The following SOCS5 variants were observed in gnomAD, a reference collection of about 807,000 sequenced individuals.
SOCS5 encodes CIS-6.
Under a neutral mutation model 42.8 loss-of-function variants are expected in SOCS5, and 32 were observed. The ratio of observed to expected loss-of-function variants is 0.75; its 90% CI spans 0.56 to 1.01. The LOEUF is 1.01. SOCS5 is among the 50% of genes least tolerant of loss of function. SOCS5 has a pLI of 0.00. For synonymous variants in SOCS5, 283 were observed against 229.6 expected (o/e 1.23, Z -2.10); for missense variants, 627 against 653.0 (o/e 0.96, Z 0.43).
chr2:46,705,344 T>C (rs1352982960), intron 1 of SOCS5, among the ~76,000 whole-genome samples: 2 of 152,208 alleles, frequency 1.3e-5, no homozygotes, highest in Non-Finnish European at 2.9e-5. Flanking sequence ...TCACGCTGTC[T>C]CTAGGTGTAG....
chr2:46,721,636 C>T (rs1052142956), intron 1 of SOCS5, among the ~76,000 whole-genome samples: 6 of 152,220 alleles, frequency 3.9e-5, no homozygotes, highest in African/African-American at 1.4e-4. Context: ...AGGTCACTTA[C>T]TTAAATAGTT....
intron 1 of SOCS5, among the ~76,000 whole-genome samples, chr2:46,746,961 GTTGCA>G (rs1380432994): frequency 2.2e-5 from 2 of 91,100 alleles, no homozygotes; most frequent in Non-Finnish European, 4.4e-5. Flanking sequence ...TGAGCTGGCT[GTTGCA>G]TCTCTTTTGA....
intron 1 of SOCS5, among the ~76,000 whole-genome samples, chr2:46,739,946 A>G (rs887732977): frequency 1.3e-5 from 2 of 152,204 alleles, no homozygotes; most frequent in African/African-American, 2.4e-5. Flanking sequence ...AATGCCCAGG[A>G]GGATCTCCTC....
intron 1 of SOCS5, among the ~76,000 whole-genome samples, chr2:46,757,442 A>G (rs1019330511): frequency 7.9e-5 from 12 of 152,220 alleles, no homozygotes; most frequent in African/African-American, 2.9e-4. Flanking sequence ...TTTTTAAGGA[A>G]CAAGAATAAA....
At chr2:46,723,376 G>T (rs964879214) in intron 1 of SOCS5, among the ~76,000 whole-genome samples, 1 of 151,944 alleles carries the variant, frequency 6.6e-6, no homozygotes, top group Non-Finnish European at 1.5e-5. Context: ...TTGTCACAAT[G>T]ATTTTATCTC....
At chr2:46,750,235 G>A (rs867989951) in intron 1 of SOCS5, among the ~76,000 whole-genome samples, 4 of 152,162 alleles carry the variant, frequency 2.6e-5, no homozygotes, top group Non-Finnish European at 4.4e-5. Context: ...GTATCTGTAC[G>A]TGAGATTTGG....
intron 1 of SOCS5, among the ~76,000 whole-genome samples, chr2:46,758,308 G>A (rs1259739336): frequency 6.6e-6 from 1 of 152,180 alleles, no homozygotes; most frequent in Non-Finnish European, 1.5e-5. Context: ...AGTAATGACT[G>A]GCTTGAACAA....
intron 1 of SOCS5, among the ~76,000 whole-genome samples, chr2:46,726,617 G>T (rs1392018981): frequency 6.6e-6 from 1 of 151,548 alleles, no homozygotes; most frequent in Non-Finnish European, 1.5e-5. Flanking sequence ...TCTCTTTGTT[G>T]TTCAGACTAG....
chr2:46,717,937 G>C (rs1037182986), intron 1 of SOCS5, among the ~76,000 whole-genome samples: 4 of 152,194 alleles, frequency 2.6e-5, no homozygotes, highest in African/African-American at 7.2e-5. Flanking sequence ...CACATGTGCA[G>C]CTTAGTCTCT....
intron 1 of SOCS5, among the ~76,000 whole-genome samples, chr2:46,724,124 A>G (rs2103716544): frequency 6.6e-6 from 1 of 150,534 alleles, no homozygotes; most frequent in East Asian, 1.9e-4. Context: ...TTGTAATCTT[A>G]CTCTTTAGTT....
At chr2:46,727,250 G>A (rs577361059) in intron 1 of SOCS5, among the ~76,000 whole-genome samples, 3 of 145,934 alleles carry the variant, frequency 2.1e-5, no homozygotes, top group East Asian at 2.1e-4. Flanking sequence ...CCGGGTTCAC[G>A]CCATTCTCCT....
intron 1 of SOCS5, among the ~76,000 whole-genome samples, chr2:46,752,988 G>A (rs565893231): frequency 6.6e-6 from 1 of 152,250 alleles, no homozygotes; most frequent in Non-Finnish European, 1.5e-5. Context: ...CTAGTCAGGT[G>A]CTTGCTTGGA....
intron 1 of SOCS5, among the ~76,000 whole-genome samples, chr2:46,745,571 A>C (rs59115499): frequency 0.024 from 3,665 of 152,244 alleles, 167 homozygotes; most frequent in African/African-American, 0.084. Flanking sequence ...GACCTTAAAT[A>C]ACTGGATTCC....
intron 1 of SOCS5, among the ~76,000 whole-genome samples, chr2:46,722,748 G>T (rs1424640423): frequency 6.6e-6 from 1 of 152,102 alleles, no homozygotes; most frequent in Non-Finnish European, 1.5e-5. Context: ...TTTATCAAGA[G>T]TTGCCAAACT....
chr2:46,735,384 A>G (rs1673220937), intron 1 of SOCS5, among the ~76,000 whole-genome samples: 1 of 152,198 alleles, frequency 6.6e-6, no homozygotes, highest in Non-Finnish European at 1.5e-5. Flanking sequence ...CACACCATGT[A>G]TCTGGTTGCA....
At position 46,723,172 on chromosome 2, in the gene SOCS5, A is replaced by T. The variant is rs559239892; in HGVS notation, c.-13+23723A>T. ...TTTTTAATTTGGTGAAGTCCAGTTC[A>T]TAATTTTTTTTTCTTTTATGGGTGG... is the stretch of plus-strand genomic sequence containing the variant. On this transcript the variant is annotated intron_variant, in intron 1 of 1. Transcript: ENST00000394861. 3.9e-5 allele frequency among the ~76,000 whole-genome samples: 6 copies of T among 152,168 alleles called. No homozygotes were observed. The East Asian group carries it at 1.2e-3, about 29-fold the overall frequency.
At chr2:46,702,253 C>G (rs952609112) in intron 1 of SOCS5, among the ~76,000 whole-genome samples, 1 of 152,164 alleles carries the variant, frequency 6.6e-6, no homozygotes, top group South Asian at 2.1e-4. Flanking sequence ...TGTACACGCA[C>G]TTTCAAGTTA....
intron 1 of SOCS5, among the ~76,000 whole-genome samples, chr2:46,713,474 AAC>A (rs1322532068): frequency 6.6e-6 from 1 of 152,214 alleles, no homozygotes; most frequent in African/African-American, 2.4e-5. Flanking sequence ...AATTTTATGA[AAC>A]AATATTTCCT....
chr2:46,741,262 C>T (rs949177699), intron 1 of SOCS5, among the ~76,000 whole-genome samples: 4 of 152,076 alleles, frequency 2.6e-5, no homozygotes, highest in Admixed American at 6.5e-5. Flanking sequence ...TTATTTGAAA[C>T]GGAGTCTCGC....
Sources: allele counts gnomAD v4.1 joint callset (sites outside exome capture counted in the v4.1 genomes callset), GRCh38; gene constraint gnomAD v4.1.1; transcripts MANE v1.5; gene names NCBI Gene and HGNC (gene_info 2026-07-23, HGNC 2026-07-21).